The following CD247 variants were observed in gnomAD, a reference collection of about 807,000 sequenced individuals.
CD247 encodes CD247 molecule.
A neutral mutation model predicts 30.0 loss-of-function variants in CD247; 13 were observed. That is an observed-to-expected ratio of 0.43 (90% CI 0.28 to 0.69). The LOEUF (loss-of-function observed/expected upper bound fraction) is 0.69. Ranked by LOEUF, CD247 falls within the 30% of genes least tolerant of loss-of-function variation. The pLI is 0.16. For missense variants in CD247, 193 were observed against 212.6 expected, an observed-to-expected ratio of 0.91 and a Z score of 0.57; for synonymous variants, 72 against 80.0, an observed-to-expected ratio of 0.90 and a Z score of 0.53.
At chr1:167,448,882 T>G in intron 1 of CD247, among the ~76,000 whole-genome samples, 1 of 152,040 alleles carries the variant, frequency 6.6e-6, no homozygotes, top group East Asian at 1.9e-4. Context: ...AAACAAAAAT[T>G]TTTTTAAAAA....
chr1:167,500,822 G>T (rs1214244801), intron 1 of CD247, among the ~76,000 whole-genome samples: 1 of 152,172 alleles, frequency 6.6e-6, no homozygotes, highest in Non-Finnish European at 1.5e-5. Flanking sequence ...TACCCCCCAA[G>T]AAATGTTTGT....
At chr1:167,435,976 G>A (rs527829604) in intron 4 of CD247, among the ~76,000 whole-genome samples, 8 of 152,344 alleles carry the variant, frequency 5.3e-5, no homozygotes, top group African/African-American at 9.6e-5. Context: ...CTGGACAGGG[G>A]CTGGATGGAC....
chr1:167,517,202 C>T (rs911005024), intron 1 of CD247, among the ~76,000 whole-genome samples: 3 of 152,210 alleles, frequency 2.0e-5, no homozygotes, highest in Admixed American at 6.5e-5. Context: ...GACAGAAACC[C>T]CTGCAGCTGC....
intron 1 of CD247, among the ~76,000 whole-genome samples, chr1:167,462,569 G>T (rs575839662): frequency 9.2e-5 from 14 of 152,376 alleles, no homozygotes; most frequent in Non-Finnish European, 1.8e-4. Flanking sequence ...TGCACAGGGG[G>T]CCTGCCCTGG....
At chr1:167,484,097 A>T (rs16859085) in intron 1 of CD247, among the ~76,000 whole-genome samples, 3 of 152,164 alleles carry the variant, frequency 2.0e-5, no homozygotes, top group Non-Finnish European at 4.4e-5. Context: ...AGAGTGGAGA[A>T]TACAAAATCG....
chr1:167,452,217 C>G (rs566788928), intron 1 of CD247, among the ~76,000 whole-genome samples: 2 of 150,546 alleles, frequency 1.3e-5, no homozygotes, highest in South Asian at 4.2e-4. Context: ...AAGAGCGAAA[C>G]TCCATCTCAA....
intron 1 of CD247, among the ~76,000 whole-genome samples, chr1:167,476,407 A>G (rs1489457393): frequency 6.6e-6 from 1 of 152,200 alleles, no homozygotes; most frequent in Admixed American, 6.5e-5. Context: ...TAATCTCTTA[A>G]TTTTCTTTCT....
chr1:167,451,932 C>A (rs1571529805), intron 1 of CD247, among the ~76,000 whole-genome samples: 2 of 152,040 alleles, frequency 1.3e-5, no homozygotes, highest in East Asian at 3.9e-4. Context: ...CATGGTAAAA[C>A]CCCAACTCGG....
intron 1 of CD247, among the ~76,000 whole-genome samples, chr1:167,480,431 C>T (rs145465311): frequency 4.3e-4 from 65 of 152,324 alleles, no homozygotes; most frequent in Middle Eastern, 6.8e-3. Flanking sequence ...AAGAACGTCT[C>T]CTGTCCCCAA....
intron 5 of CD247, chr1:167,434,818 C>T (rs569152961): frequency 3.5e-5 from 16 of 457,224 alleles, no homozygotes; most frequent in East Asian, 6.9e-5. Context: ...TGCTGCAGGC[C>T]GCAAGCAGGT....
chr1:167,482,323 G>A (rs1371170035), intron 1 of CD247, among the ~76,000 whole-genome samples: 2 of 152,232 alleles, frequency 1.3e-5, no homozygotes, highest in Non-Finnish European at 1.5e-5. Context: ...AGACTCTGAT[G>A]ATCAAGAAAG....
At chr1:167,484,333 G>T (rs957720369) in intron 1 of CD247, among the ~76,000 whole-genome samples, 3 of 152,166 alleles carry the variant, frequency 2.0e-5, no homozygotes, top group African/African-American at 4.8e-5. Flanking sequence ...GCTCCTTAAA[G>T]CTCCATCTCA....
chr1:167,433,066 G>A lies in CD247; in HGVS notation c.394-7C>T, dbSNP rs977050363. 1 of 1,613,988 alleles carries A rather than the reference G, an allele frequency of 6.2e-7. No individual in the cohort carries two copies. Among genetic ancestry groups the A allele is most frequent in the Admixed American group, 1.7e-5 (1 of 60,032 alleles). On this transcript the variant is annotated splice_region_variant and splice_polypyrimidine_tract_variant and intron_variant, in intron 6 of 7. Transcript: ENST00000362089. ...GCCCCTTGCCCCTCCGGCGCTGGTT[G>A]TTTGGGAGTGAAATGAGAAAAGGAT...
chr1:167,457,382 G>C (rs1039865545), intron 1 of CD247: 4 of 152,406 alleles, frequency 2.6e-5, no homozygotes, highest in African/African-American at 9.6e-5. Flanking sequence ...AGAATGACCA[G>C]CAAAGGAGAA....
intron 1 of CD247, among the ~76,000 whole-genome samples, chr1:167,497,053 T>C (rs1654722515): frequency 6.6e-6 from 1 of 152,226 alleles, no homozygotes; most frequent in African/African-American, 2.4e-5. Flanking sequence ...GTGACACTAT[T>C]CATAATGCGT....
intron 3 of CD247, among the ~76,000 whole-genome samples, chr1:167,438,866 G>T (rs967418694): frequency 6.6e-6 from 1 of 152,168 alleles, no homozygotes; most frequent in African/African-American, 2.4e-5. Context: ...GATCCCCAAA[G>T]GTCACCAAGT....
intron 1 of CD247, among the ~76,000 whole-genome samples, chr1:167,446,820 C>T (rs578065485): frequency 3.3e-5 from 5 of 152,236 alleles, no homozygotes; most frequent in South Asian, 2.1e-4. Flanking sequence ...GGTGAAACCC[C>T]GTCTCTACTA....
intron 1 of CD247, among the ~76,000 whole-genome samples, chr1:167,453,758 A>G (rs1652487119): frequency 6.6e-6 from 1 of 152,200 alleles, no homozygotes; most frequent in African/African-American, 2.4e-5. Flanking sequence ...TCTTGAGCTC[A>G]GGAGTTTGAG....
chr1:167,498,149 G>C (rs1654772143), intron 1 of CD247, among the ~76,000 whole-genome samples: 1 of 152,158 alleles, frequency 6.6e-6, no homozygotes, highest in African/African-American at 2.4e-5. Flanking sequence ...GGCTTCTGTT[G>C]CTGCTCCCGT....
Sources: allele counts gnomAD v4.1 joint callset (sites outside exome capture counted in the v4.1 genomes callset), GRCh38; gene constraint gnomAD v4.1.1; transcripts MANE v1.5; gene names NCBI Gene and HGNC (gene_info 2026-07-23, HGNC 2026-07-21).